Variants in PRMT7 observed in about 807,000 individuals in gnomAD.
The protein encoded by PRMT7 is protein arginine N-methyltransferase 7.
In PRMT7, 75 loss-of-function variants were observed where a neutral mutation model predicts 85.4. The ratio of observed to expected loss-of-function variants is 0.88; its 90% CI spans 0.73 to 1.06. The LOEUF is 1.06. Ranked by LOEUF, PRMT7 falls within the 50% of genes least tolerant of loss-of-function variation. The pLI is 0.00. For missense variants in PRMT7, 868 were observed against 915.2 expected (o/e 0.95, Z 0.67); for synonymous variants, 397 against 359.5 (o/e 1.10, Z -1.18).
intron 3 of PRMT7, among the ~76,000 whole-genome samples, chr16:68,320,632 C>A (rs557082397): frequency 5.3e-5 from 8 of 152,152 alleles, no homozygotes; most frequent in Admixed American, 3.3e-4. Context: ...TAGCCATCAA[C>A]GAGCATGTCA....
At chr16:68,315,580 C>T in intron 2 of PRMT7, 1 of 269,268 alleles carries the variant, frequency 3.7e-6, no homozygotes, top group Non-Finnish European at 7.1e-6. Context: ...AGGGCTGCAC[C>T]TAGATGAACT....
At position 68,316,087 on chromosome 16, in the gene PRMT7, T is replaced by C. The variant is rs2151345410; in HGVS notation, c.95+13T>C. On this transcript the variant is annotated intron_variant, in intron 3 of 18. Coordinates refer to ENST00000441236, the MANE Select transcript of PRMT7 (RefSeq NM_019023.5). Reference sequence around the variant, plus strand: ...AGGAGATTGCAAGGTACTGGGTTGGTTTACAGCAGGCTGCAGCTGGGTGGG... The same window carrying C: ...AGGAGATTGCAAGGTACTGGGTTGGCTTACAGCAGGCTGCAGCTGGGTGGG... The C allele has an allele frequency of 1.9e-6, 3 of 1,610,998 alleles. No individual in the cohort carries two copies. The Middle Eastern group carries it at 5.0e-4, about 269-fold the overall frequency.
At position 68,339,488 on chromosome 16, in the gene PRMT7, C is replaced by G. The variant is rs762957394; in HGVS notation, c.671C>G (p.Ser224Cys). ...GTGGAGAGCTGCCCTGGCGCACCCT[C>G]TGTCTGTGACATTCAGCTGAACCAG... is the stretch of plus-strand genomic sequence containing the variant. ...VDVESCPGAPSVCDIQLNQVS... is the reference protein window; with the variant it reads ...VDVESCPGAPCVCDIQLNQVS... Residue 224 changes from serine to cysteine, a missense_variant, in exon 8 of 19, where the codon TCT (serine) becomes TGT (cysteine). Transcript: ENST00000441236. 4 of 1,614,086 alleles carry G rather than the reference C, an allele frequency of 2.5e-6. No homozygotes were observed. The Admixed American group carries it at 5.0e-5, about 20-fold the overall frequency.
rs148357472 is a variant in PRMT7, at chr16:68,320,081, T to G, written c.96-1345T>G. Among the ~76,000 whole-genome samples, 51 of 152,286 alleles carry G rather than the reference T, an allele frequency of 3.3e-4. No individual in the cohort carries two copies. In the East Asian group the frequency reaches 9.7e-3, roughly 29 times the overall value. The stretch of plus-strand genomic sequence containing the variant: ...AGTGCTTCTCTTTCCCCGGCTGCTC[T>G]CCCTAATACCGCATCAGTGGTTATC... On this transcript the variant is annotated intron_variant, in intron 3 of 18. Coordinates refer to ENST00000441236, the MANE Select transcript of PRMT7 (RefSeq NM_019023.5).
chr16:68,318,086 C>A (rs1438324736), intron 3 of PRMT7, among the ~76,000 whole-genome samples: 4 of 152,076 alleles, frequency 2.6e-5, no homozygotes, highest in African/African-American at 9.7e-5. Flanking sequence ...ATAATATATA[C>A]TTCAATATAG....
chr16:68,353,552 G>C lies in PRMT7; in HGVS notation c.1636G>C (p.Asp546His). Residue 546 changes from aspartate to histidine, a missense_variant, in exon 16 of 19, where the codon GAC (aspartate) becomes CAC (histidine). Transcript: ENST00000441236. The stretch of plus-strand genomic sequence containing the variant: ...CGAAGGCTTCGACGTGCACATCATG[G>C]ACGACATGATTAAGGTAGGCAGGGC... ...DCEGFDVHIM[D>H]DMIKRALDFR... 1 of 1,589,052 alleles carries C rather than the reference G, an allele frequency of 6.3e-7. No individual in the cohort carries two copies. Among genetic ancestry groups the C allele is most frequent in the Non-Finnish European group, 8.6e-7 (1 of 1,168,498 alleles).
chr16:68,335,646 C>A (rs967060066), intron 6 of PRMT7, among the ~76,000 whole-genome samples: 1 of 151,870 alleles, frequency 6.6e-6, no homozygotes, highest in African/African-American at 2.4e-5. Flanking sequence ...GCCCATTCAC[C>A]CGTTTTACTG....
In PRMT7 at chr16:68,347,245, G is replaced by A; in HGVS notation, c.1226G>A (p.Ser409Asn). The change falls in exon 12 of 19, where the codon AGC (serine) becomes AAC (asparagine). Residue 409 changes from serine to asparagine, a missense_variant. Coordinates refer to ENST00000441236, the MANE Select transcript of PRMT7 (RefSeq NM_019023.5). ...CCAGACAGCGTGTGCCTGTGTGTCA[G>A]CGATGGCAGCCTGCTCTCCGTGCTG... is the stretch of plus-strand genomic sequence containing the variant. ...LKPDSVCLCV[S>N]DGSLLSVLAH... 1 of 1,553,658 alleles carries A rather than the reference G, an allele frequency of 6.4e-7. No individual in the cohort carries two copies. Among genetic ancestry groups the A allele is most frequent in the Non-Finnish European group, 8.7e-7 (1 of 1,147,656 alleles).
At position 68,346,046 on chromosome 16, in the gene PRMT7, G is replaced by T. The variant is rs1053184502; in HGVS notation, c.1056-99G>T. Reference sequence around the variant, plus strand: ...AGTCTGGAATTAGCGGGTGCTCTAAGCCCTCATGCCTACTGGAGACCAGTG... The same window carrying T: ...AGTCTGGAATTAGCGGGTGCTCTAATCCCTCATGCCTACTGGAGACCAGTG... On this transcript the variant is annotated intron_variant, in intron 10 of 18. Transcript: ENST00000441236. 3.2e-6 allele frequency: 5 copies of T among 1,555,212 alleles called. No homozygotes were observed. The African/African-American group carries it at 4.1e-5, about 13-fold the overall frequency.
intron 9 of PRMT7, 43 bp downstream of exon 9, chr16:68,340,011 T>C: frequency 6.5e-7 from 1 of 1,535,424 alleles, no homozygotes; most frequent in South Asian, 1.2e-5. Flanking sequence ...AGGAAACTTG[T>C]CCACTGCTGT....
At chr16:68,340,346 T>C (rs2085322160) in intron 9 of PRMT7, among the ~76,000 whole-genome samples, 1 of 152,018 alleles carries the variant, frequency 6.6e-6, no homozygotes, top group Non-Finnish European at 1.5e-5. Flanking sequence ...TCCACCCCGA[T>C]AGAAAGTAGG....
intron 1 of PRMT7, 136 bp downstream of exon 1, chr16:68,311,235 C>T: frequency 1.0e-5 from 5 of 483,034 alleles, no homozygotes; most frequent in South Asian, 1.0e-4. Context: ...TGGGGCAGCT[C>T]GGGACACCCG....
intron 2 of PRMT7, among the ~76,000 whole-genome samples, chr16:68,314,732 G>T (rs1232904210): frequency 6.6e-6 from 1 of 152,130 alleles, no homozygotes; most frequent in Non-Finnish European, 1.5e-5. Flanking sequence ...TTTCTGCATG[G>T]TAAGAGGGAT....
At chr16:68,336,590 A>C (rs1350702361) in intron 6 of PRMT7, among the ~76,000 whole-genome samples, 1 of 152,174 alleles carries the variant, frequency 6.6e-6, no homozygotes, top group African/African-American at 2.4e-5. Context: ...TTTTCAAATA[A>C]TTTTTCTAAT....
Position 68,311,119 on chromosome 16 carries a change from G to T in PRMT7, c.-219+20G>T. 1 of 688,332 alleles carries T rather than the reference G, an allele frequency of 1.5e-6. No individual in the cohort carries two copies. The highest frequency in any genetic ancestry group is 2.6e-6 in the Non-Finnish European group (1 of 379,132). The allele number at this position is 688,332 out of a possible 1,614,324, so 42.6% of individuals were successfully genotyped here. The stretch of plus-strand genomic sequence containing the variant: ...CGGCGGGTGAGGCGCTGGGTATGCT[G>T]GGAAGGTGGGGTCGCTTTGGGGTTC... On this transcript the variant is annotated intron_variant, in intron 1 of 18. Transcript: ENST00000441236.
chr16:68,314,910 T>G (rs2044486972), intron 2 of PRMT7, among the ~76,000 whole-genome samples: 2 of 152,114 alleles, frequency 1.3e-5, no homozygotes, highest in Non-Finnish European at 2.9e-5. Context: ...ATGGAGGGTT[T>G]TTAAAAATTG....
At chr16:68,312,225 A>ATT (rs1411942990) in intron 2 of PRMT7, 49 bp downstream of exon 2, 16 of 57,216 alleles carry the variant, frequency 2.8e-4, no homozygotes, top group East Asian at 2.8e-3. Flanking sequence ...ATATATATAT[A>ATT]TATATTTTTT....
At chr16:68,336,480 T>C (rs917159759) in intron 6 of PRMT7, among the ~76,000 whole-genome samples, 1 of 152,212 alleles carries the variant, frequency 6.6e-6, no homozygotes, top group Non-Finnish European at 1.5e-5. Flanking sequence ...TAACTCACAG[T>C]AGCTGGAAGA....
intron 5 of PRMT7, among the ~76,000 whole-genome samples, chr16:68,326,444 C>T (rs1294314954): frequency 6.6e-6 from 1 of 152,182 alleles, no homozygotes; most frequent in Admixed American, 6.5e-5. Context: ...TAGGGTTTCG[C>T]CATGTTGGCC....
Sources: gnomAD v4.1 joint callset for allele counts (sites outside exome capture counted in the v4.1 genomes callset) on GRCh38, gnomAD v4.1.1 for gene constraint, MANE v1.5 for transcripts, NCBI Gene and HGNC (gene_info 2026-07-23, HGNC 2026-07-21) for gene names.